HAO1: variants seen among roughly 807,000 people sequenced by gnomAD.
HAO1 encodes hydroxyacid oxidase 1.
A neutral mutation model predicts 39.7 loss-of-function variants in HAO1; 34 were observed. The ratio of observed to expected loss-of-function variants is 0.86; its 90% CI spans 0.65 to 1.14. HAO1 has a LOEUF of 1.14. Ranked by LOEUF, HAO1 falls within the 50% of genes most tolerant of loss-of-function variation. The probability of loss-of-function intolerance (pLI) is 0.00; values close to 1 mark genes in which losing one functional copy is unlikely to be tolerated. For missense variants in HAO1, 479 were observed against 464.5 expected (o/e 1.03, Z -0.29); for synonymous variants, 172 against 173.2 (o/e 0.99, Z 0.05).
At chr20:7,924,202 G>GTTT (rs2050348474) in intron 2 of HAO1, among the ~76,000 whole-genome samples, 1 of 151,120 alleles carries the variant, frequency 6.6e-6, no homozygotes, top group Non-Finnish European at 1.5e-5. Context: ...TTGTGTTGTT[G>GTTT]TTGTTGTTGT....
intron 5 of HAO1, among the ~76,000 whole-genome samples, chr20:7,886,247 C>T (rs761790918): frequency 2.6e-5 from 4 of 151,864 alleles, no homozygotes; most frequent in Non-Finnish European, 5.9e-5. Flanking sequence ...GATCTCGGCT[C>T]ACTGCAACCT....
chr20:7,913,372 A>G (rs535511822), intron 3 of HAO1, among the ~76,000 whole-genome samples: 1 of 152,280 alleles, frequency 6.6e-6, no homozygotes, highest in South Asian at 2.1e-4. Context: ...GGTACATTAT[A>G]CATTCATATG....
intron 2 of HAO1, among the ~76,000 whole-genome samples, chr20:7,925,531 T>C (rs2050355097): frequency 6.6e-6 from 1 of 152,176 alleles, no homozygotes; most frequent in African/African-American, 2.4e-5. Flanking sequence ...GTGATTCCTG[T>C]GTTATTATTC....
At chr20:7,934,431 G>A (rs2050400209) in intron 2 of HAO1, 53 bp downstream of exon 2, 1 of 1,414,398 alleles carries the variant, frequency 7.1e-7, no homozygotes, top group South Asian at 1.3e-5. Flanking sequence ...CAGAGAAGGA[G>A]GTCGATAAAC....
chr20:7,892,178 C>G (rs995756225), intron 5 of HAO1, among the ~76,000 whole-genome samples: 2 of 152,118 alleles, frequency 1.3e-5, no homozygotes, highest in Admixed American at 6.5e-5. Flanking sequence ...CTCCAACCCC[C>G]TGGTTCAAGC....
chr20:7,934,375 G>A lies in HAO1; in HGVS notation c.289+109C>T, dbSNP rs2050399995. 3 of 758,680 alleles carry A rather than the reference G, an allele frequency of 4.0e-6. No individual in the cohort carries two copies. The Admixed American group carries it at 8.1e-5, about 20-fold the overall frequency. 47.0% of individuals were successfully genotyped at this position (758,680 alleles called of 1,614,324 possible). On this transcript the variant is annotated intron_variant, in intron 2 of 7. Coordinates refer to ENST00000378789, the MANE Select transcript of HAO1 (RefSeq NM_017545.3). ...TGATGATAGAGTCCATGAGCTTAAT[G>A]TTTCTGAGTGTAAAAACATCAAGGA...
At chr20:7,922,081 T>A (rs1179113727) in intron 2 of HAO1, among the ~76,000 whole-genome samples, 1 of 151,914 alleles carries the variant, frequency 6.6e-6, no homozygotes, top group Non-Finnish European at 1.5e-5. Context: ...GTAACAAACC[T>A]GCACATGGCT....
chr20:7,906,782 A>T (rs1020736026), intron 3 of HAO1, among the ~76,000 whole-genome samples: 1 of 152,254 alleles, frequency 6.6e-6, no homozygotes, highest in African/African-American at 2.4e-5. Context: ...ACTCTTAGAA[A>T]GTAACATTGA....
rs140507092 is a variant in HAO1, at chr20:7,898,810, T to G, written c.722-3586A>C. ...ATGAGCTTACCTGTCCTAATAGACATAGCATGGTATTTATTTTAAAAACCT... is the reference window on the plus strand; with the variant it reads ...ATGAGCTTACCTGTCCTAATAGACAGAGCATGGTATTTATTTTAAAAACCT... On this transcript the variant is annotated intron_variant, in intron 4 of 7. Transcript: ENST00000378789. Among the ~76,000 whole-genome samples, 984 of 152,216 alleles carry G rather than the reference T, an allele frequency of 6.5e-3. 5 individuals carry two copies. Among genetic ancestry groups the G allele is most frequent in the African/African-American group, 0.022 (915 of 41,532 alleles).
At chr20:7,936,637 C>T (rs536717807) in intron 1 of HAO1, among the ~76,000 whole-genome samples, 2 of 151,700 alleles carry the variant, frequency 1.3e-5, no homozygotes, top group Non-Finnish European at 2.9e-5. Flanking sequence ...CTTCCATCTC[C>T]AGACAGTGGC....
intron 4 of HAO1, among the ~76,000 whole-genome samples, chr20:7,901,935 C>T (rs1464385621): frequency 1.3e-5 from 2 of 152,174 alleles, no homozygotes; most frequent in Admixed American, 6.5e-5. Flanking sequence ...GAGAAAGTCA[C>T]TGCTGCTGTG....
intron 2 of HAO1, among the ~76,000 whole-genome samples, chr20:7,917,215 C>T (rs955713002): frequency 6.6e-6 from 1 of 151,972 alleles, no homozygotes; most frequent in Non-Finnish European, 1.5e-5. Context: ...TGGCGCATGC[C>T]TGTAATCCCA....
chr20:7,885,777 G>C lies in HAO1; in HGVS notation c.901C>G (p.Leu301Val), dbSNP rs1330351898. 1.2e-6 allele frequency: 2 copies of C among 1,613,366 alleles called. No individual in the cohort carries two copies. The highest frequency in any genetic ancestry group is 2.7e-5 in the African/African-American group (2 of 74,906). Residue 301 changes from leucine (L) to valine (V), a missense_variant, in exon 6 of 8, where the codon CTG becomes GTG. Coordinates refer to ENST00000378789, the MANE Select transcript of HAO1 (RefSeq NM_017545.3). ...TTGGCGCCAAGAGCCAGAGCTTTCA[G>C]AACATCAGTGCCTTTCCGCACACCC... The part of the protein sequence containing the change: ...DGGVRKGTDV[L>V]KALALGAKAV...
At chr20:7,922,375 A>C (rs1158493830) in intron 2 of HAO1, among the ~76,000 whole-genome samples, 14 of 152,144 alleles carry the variant, frequency 9.2e-5, no homozygotes, top group Admixed American at 8.5e-4. Context: ...AATGTAAGTT[A>C]GTACAGACAT....
At chr20:7,940,107 A>G (rs1469868216) in intron 1 of HAO1, among the ~76,000 whole-genome samples, 179 bp downstream of exon 1, 1 of 152,196 alleles carries the variant, frequency 6.6e-6, no homozygotes, top group Non-Finnish European at 1.5e-5. Context: ...ACAGGCTTGG[A>G]ATATTTTTTA....
At chr20:7,923,519 T>C (rs2050344249) in intron 2 of HAO1, among the ~76,000 whole-genome samples, 1 of 152,266 alleles carries the variant, frequency 6.6e-6, no homozygotes, top group East Asian at 1.9e-4. Flanking sequence ...AGAGTCTCCT[T>C]GTGACTTCTC....
rs189990880 is a variant in HAO1, at chr20:7,920,954, T to C, written c.290-6535A>G. Among the ~76,000 whole-genome samples the C allele has an allele frequency of 1.2e-3, 178 of 152,050 alleles. 1 individual carries two copies. The highest frequency in any genetic ancestry group is 4.1e-3 in the African/African-American group (170 of 41,490). On this transcript the variant is annotated intron_variant, in intron 2 of 7. Transcript: ENST00000378789. ...AGTTTTTTAAGGAATTGTGTGAAAC[T>C]AAAATGTTTCTGCACAGCAAAGAAA...
intron 5 of HAO1, among the ~76,000 whole-genome samples, chr20:7,886,867 A>C (rs1250717594): frequency 6.6e-6 from 1 of 152,080 alleles, no homozygotes; most frequent in Non-Finnish European, 1.5e-5. Context: ...ATTCCCACTT[A>C]CTTTTTTGCA....
chr20:7,931,106 AG>A (rs1391957322), intron 2 of HAO1, among the ~76,000 whole-genome samples: 1 of 152,222 alleles, frequency 6.6e-6, no homozygotes, highest in African/African-American at 2.4e-5. Context: ...GTATAAATAC[AG>A]AATAGAAACT....
Sources: gnomAD v4.1 joint callset for allele counts (sites outside exome capture counted in the v4.1 genomes callset) on GRCh38, gnomAD v4.1.1 for gene constraint, MANE v1.5 for transcripts, NCBI Gene and HGNC (gene_info 2026-07-23, HGNC 2026-07-21) for gene names.